BRINP3: variants seen among roughly 807,000 people sequenced by gnomAD.
BRINP3 encodes the protein BMP/retinoic acid-inducible neural-specific protein 3.
A neutral mutation model predicts 71.0 loss-of-function variants in BRINP3; 19 were observed. The observed-to-expected ratio is 0.27, with a 90% CI of 0.19 to 0.39. The LOEUF is 0.39. Among genes scored for constraint, BRINP3 ranks in the 10% least tolerant of loss-of-function variants. The pLI is 1.00. For missense variants in BRINP3, 959 were observed against 940.8 expected, an observed-to-expected ratio of 1.02 and a Z score of -0.25; for synonymous variants, 380 against 337.7, an observed-to-expected ratio of 1.13 and a Z score of -1.37.
At chr1:190,132,763 G>A (rs1654646719) in intron 7 of BRINP3, among the ~76,000 whole-genome samples, 1 of 152,048 alleles carries the variant, frequency 6.6e-6, no homozygotes, top group South Asian at 2.1e-4. Flanking sequence ...CTTTCCTTGA[G>A]TGTGGAAAAG....
chr1:190,113,707 T>C (rs1195641961), intron 7 of BRINP3, among the ~76,000 whole-genome samples: 1 of 152,144 alleles, frequency 6.6e-6, no homozygotes, highest in Non-Finnish European at 1.5e-5. Context: ...CCTCCGTCAA[T>C]TAGTGGCAAA....
At chr1:190,401,514 C>T (rs756058025) in intron 2 of BRINP3, among the ~76,000 whole-genome samples, 61 of 151,332 alleles carry the variant, frequency 4.0e-4, no homozygotes, top group Admixed American at 8.6e-4. Context: ...AAGTGTGATA[C>T]ATGAGCTAGT....
chr1:190,454,687 C>T lies in BRINP3; in HGVS notation c.204G>A (p.Arg68=), dbSNP rs1490137671. The T allele has an allele frequency of 6.2e-7, 1 of 1,613,954 alleles. No individual in the cohort carries two copies. The highest frequency in any genetic ancestry group is 1.3e-5 in the African/African-American group (1 of 74,894). Residue 68 remains arginine, a synonymous_variant, in exon 2 of 8, where the codon CGG becomes CGA. Transcript: ENST00000367462. ...TCTTGTATCTTGTGCTAAATCCCTGCCGGCTTCTGTCCACAAAATCTGTGT... is the reference window on the plus strand; with the variant it reads ...TCTTGTATCTTGTGCTAAATCCCTGTCGGCTTCTGTCCACAAAATCTGTGT... ...QEYTDFVDRS[R]QGFSTRYKIY... is the part of the protein sequence containing the mutation.
In BRINP3 at chr1:190,108,292, G is replaced by A. The variant is rs531947057; in HGVS notation, c.1185-9158C>T. On this transcript the variant is annotated intron_variant, in intron 7 of 7. Coordinates refer to ENST00000367462, the MANE Select transcript of BRINP3 (RefSeq NM_199051.3). The stretch of plus-strand genomic sequence containing the variant: ...GCCACAAAATCACCAGGAAATAATA[G>A]GTTATACGGCCCTTACAAATGTTAC... Among the ~76,000 whole-genome samples, 346 of 151,914 alleles carry A rather than the reference G, an allele frequency of 2.3e-3. 4 individuals are homozygous for A. Among genetic ancestry groups the A allele is most frequent in the Non-Finnish European group, 4.1e-3 (277 of 67,896 alleles).
At chr1:190,313,208 C>T (rs1665652127) in intron 2 of BRINP3, among the ~76,000 whole-genome samples, 1 of 151,728 alleles carries the variant, frequency 6.6e-6, no homozygotes, top group African/African-American at 2.4e-5. Flanking sequence ...GGGATTGGTA[C>T]CTGCAGATTT....
At chr1:190,365,778 C>A (rs1669451682) in intron 2 of BRINP3, among the ~76,000 whole-genome samples, 1 of 132,792 alleles carries the variant, frequency 7.5e-6, no homozygotes, top group Non-Finnish European at 1.6e-5. Context: ...AATATAAATG[C>A]TGCGAAGAGT....
intron 2 of BRINP3, among the ~76,000 whole-genome samples, chr1:190,428,535 G>T (rs1382906235): frequency 6.6e-6 from 1 of 151,750 alleles, no homozygotes; most frequent in East Asian, 1.9e-4. Context: ...TATCTTGTTT[G>T]TGTTCATTTA....
At chr1:190,264,840 A>C (rs764176259) in intron 4 of BRINP3, 25 bp downstream of exon 4, 3 of 1,599,402 alleles carry the variant, frequency 1.9e-6, no homozygotes, top group Non-Finnish European at 2.6e-6. Flanking sequence ...GGAAGGTGAT[A>C]ATTTTAGCGT....
chr1:190,453,283 C>T (rs1675767709), intron 2 of BRINP3, among the ~76,000 whole-genome samples: 1 of 118,102 alleles, frequency 8.5e-6, no homozygotes, highest in Non-Finnish European at 1.6e-5. Flanking sequence ...TGTAGTGGCG[C>T]GATCTCGGCT....
intron 7 of BRINP3, among the ~76,000 whole-genome samples, chr1:190,148,494 G>T (rs1393626592): frequency 6.6e-6 from 1 of 151,728 alleles, no homozygotes; most frequent in African/African-American, 2.4e-5. Flanking sequence ...TACTAGAGAG[G>T]CTGAGGCAGG....
At chr1:190,406,167 G>A (rs1015188529) in intron 2 of BRINP3, among the ~76,000 whole-genome samples, 4 of 152,198 alleles carry the variant, frequency 2.6e-5, no homozygotes, top group South Asian at 2.1e-4. Context: ...TTACAGCAGT[G>A]TAAATGTAGT....
In BRINP3 at chr1:190,113,642, T is replaced by G. The variant is rs1265339124; in HGVS notation, c.1185-14508A>C. On this transcript the variant is annotated intron_variant, in intron 7 of 7. Coordinates refer to ENST00000367462, the MANE Select transcript of BRINP3 (RefSeq NM_199051.3). ...AAAATAAGTCAGAATTAAATAGAACTATACTCTTGTTTATAAATGAGAAAG... is the reference window on the plus strand; with the variant it reads ...AAAATAAGTCAGAATTAAATAGAACGATACTCTTGTTTATAAATGAGAAAG... Among the ~76,000 whole-genome samples the G allele has an allele frequency of 2.0e-5, 3 of 152,172 alleles. No homozygotes were observed. In the East Asian group the frequency reaches 5.8e-4, roughly 29 times the overall value.
At chr1:190,241,029 TTTAA>T (rs1424192153) in intron 4 of BRINP3, among the ~76,000 whole-genome samples, 5 of 152,138 alleles carry the variant, frequency 3.3e-5, no homozygotes, top group African/African-American at 1.2e-4. Flanking sequence ...TATTATCTCC[TTTAA>T]TTAACTATAA....
At chr1:190,357,783 G>A (rs1421755683) in intron 2 of BRINP3, among the ~76,000 whole-genome samples, 1 of 151,718 alleles carries the variant, frequency 6.6e-6, no homozygotes, top group East Asian at 1.9e-4. Flanking sequence ...TCACGATATT[G>A]ATTCTTCCTA....
chr1:190,212,842 C>A (rs909655115), intron 6 of BRINP3, among the ~76,000 whole-genome samples: 2 of 152,086 alleles, frequency 1.3e-5, no homozygotes, highest in African/African-American at 2.4e-5. Context: ...GAAGAGACTC[C>A]AGCTAACCTG....
intron 2 of BRINP3, among the ~76,000 whole-genome samples, chr1:190,337,063 G>A (rs1055456894): frequency 1.3e-5 from 2 of 151,914 alleles, no homozygotes; most frequent in Admixed American, 1.3e-4. Context: ...AAGAGAGAAA[G>A]ATCCAAGTGA....
intron 2 of BRINP3, among the ~76,000 whole-genome samples, chr1:190,383,476 A>C (rs1670681622): frequency 6.6e-6 from 1 of 152,034 alleles, no homozygotes; most frequent in Non-Finnish European, 1.5e-5. Flanking sequence ...GTTCCCTAAA[A>C]ATTTCCAGAA....
chr1:190,468,058 G>A (rs10920724), intron 1 of BRINP3, among the ~76,000 whole-genome samples: 31,122 of 151,066 alleles, frequency 0.21, 3,281 homozygotes, highest in South Asian at 0.24. Context: ...AGCAATCACT[G>A]TTACTGGACT....
At chr1:190,178,189 T>C (rs1652719549) in intron 6 of BRINP3, among the ~76,000 whole-genome samples, 1 of 152,166 alleles carries the variant, frequency 6.6e-6, no homozygotes, top group Non-Finnish European at 1.5e-5. Flanking sequence ...AACACATTTT[T>C]CCCAAGGGTT....
Sources: gnomAD v4.1 joint callset for allele counts (sites outside exome capture counted in the v4.1 genomes callset) on GRCh38, gnomAD v4.1.1 for gene constraint, MANE v1.5 for transcripts, NCBI Gene and HGNC (gene_info 2026-07-23, HGNC 2026-07-21) for gene names.